CCDC7: variants seen among roughly 807,000 people sequenced by gnomAD.
The protein encoded by CCDC7 is coiled-coil domain containing 7, also known as coiled-coil domain-containing protein 7.
Under a neutral mutation model 196.9 loss-of-function variants are expected in CCDC7, and 183 were observed. The observed-to-expected ratio is 0.93, with a 90% CI of 0.82 to 1.05. The LOEUF (loss-of-function observed/expected upper bound fraction) is 1.05. Ranked by LOEUF, CCDC7 falls within the 50% of genes least tolerant of loss-of-function variation. The pLI is 0.00. For missense variants in CCDC7, 1,540 were observed against 1,482.2 expected (o/e 1.04, Z -0.64); for synonymous variants, 525 against 484.6 (o/e 1.08, Z -1.10).
At chr10:32,518,834 G>T (rs1037729347) in intron 11 of CCDC7, among the ~76,000 whole-genome samples, 2 of 152,044 alleles carry the variant, frequency 1.3e-5, no homozygotes, top group Non-Finnish European at 2.9e-5. Context: ...TATGTAATGT[G>T]TGTGTCCCAG....
At chr10:32,775,897 A>G (rs112000384) in intron 28 of CCDC7, among the ~76,000 whole-genome samples, 9,255 of 151,556 alleles carry the variant, frequency 0.061, 909 homozygotes, top group African/African-American at 0.21. Flanking sequence ...TCCAACAATG[A>G]TAGACTGGAT....
chr10:32,601,087 A>G (rs1270569399), intron 18 of CCDC7, among the ~76,000 whole-genome samples: 1 of 152,002 alleles, frequency 6.6e-6, no homozygotes, highest in African/African-American at 2.4e-5. Context: ...TATCTTATTG[A>G]GGCTCGCTTG....
At chr10:32,580,655 TAAG>T (rs1341611182) in intron 16 of CCDC7, among the ~76,000 whole-genome samples, 1 of 152,096 alleles carries the variant, frequency 6.6e-6, no homozygotes, top group Non-Finnish European at 1.5e-5. Context: ...TTGTTGCAGA[TAAG>T]AATATCAATA....
rs540401326 is a variant in CCDC7 at position 32,801,546 on chromosome 10, C to T, written c.3014-3469C>T. Among the ~76,000 whole-genome samples the T allele has an allele frequency of 1.7e-4, 26 of 152,296 alleles. No homozygotes were observed. The South Asian group carries it at 5.4e-3, about 32-fold the overall frequency. ...TAATATTCATTCTCATGCATGTGCT[C>T]CAGATTTCTGCTTAAATAAATTAGA... On this transcript the variant is annotated intron_variant, in intron 29 of 41. Transcript: ENST00000639629.
intron 33 of CCDC7, among the ~76,000 whole-genome samples, chr10:32,838,343 G>A (rs1217868923): frequency 6.6e-6 from 1 of 152,020 alleles, no homozygotes; most frequent in African/African-American, 2.4e-5. Flanking sequence ...AATGCTAAGT[G>A]CACTGGGAAG....
chr10:32,847,960 T>G (rs751217834), intron 38 of CCDC7, 44 bp downstream of exon 39: 1 of 1,251,712 alleles, frequency 8.0e-7, no homozygotes, highest in African/African-American at 1.5e-5. Context: ...GTTTATCTTC[T>G]CTGGGGTTTA....
At chr10:32,790,941 T>G (rs1184106241) in intron 29 of CCDC7, among the ~76,000 whole-genome samples, 2 of 152,196 alleles carry the variant, frequency 1.3e-5, no homozygotes, top group Non-Finnish European at 2.9e-5. Context: ...CTGCTGATGC[T>G]GCCTGCAAGT....
intron 24 of CCDC7, among the ~76,000 whole-genome samples, chr10:32,708,447 C>T (rs1346392221): frequency 1.3e-5 from 2 of 152,138 alleles, no homozygotes; most frequent in Non-Finnish European, 2.9e-5. Flanking sequence ...AAAGCAATGG[C>T]AACGAAAGCC....
In CCDC7 at chr10:32,540,270, G is replaced by A. The variant is rs1201226342; in HGVS notation, c.994-3030G>A. 2.6e-5 allele frequency among the ~76,000 whole-genome samples: 4 copies of A among 152,180 alleles called. No individual in the cohort carries two copies. In the East Asian group the frequency reaches 7.7e-4, roughly 29 times the overall value. On this transcript the variant is annotated intron_variant, in intron 11 of 41. Coordinates refer to ENST00000639629, the Ensembl canonical transcript of CCDC7. ...GCAGAATTGAACCCTTTACCAATAT[G>A]TACTGCCCATCTTTACCTTTTTTGA...
chr10:32,645,417 G>A (rs1365750100), intron 20 of CCDC7, among the ~76,000 whole-genome samples: 1 of 149,242 alleles, frequency 6.7e-6, no homozygotes, highest in East Asian at 2.0e-4. Context: ...TGTTAAATTT[G>A]GTTTGTTAGT....
chr10:32,850,428 A>G (rs1265979654), intron 39 of CCDC7, among the ~76,000 whole-genome samples: 1 of 152,202 alleles, frequency 6.6e-6, no homozygotes. Context: ...ATGTATGAGC[A>G]GTTTTGAAGT....
chr10:32,797,934 A>G (rs2134897626), intron 29 of CCDC7, among the ~76,000 whole-genome samples: 1 of 152,308 alleles, frequency 6.6e-6, no homozygotes, highest in East Asian at 1.9e-4. Flanking sequence ...CTATCAATCC[A>G]GCTGCTTCAG....
intron 28 of CCDC7, among the ~76,000 whole-genome samples, chr10:32,755,635 C>G (rs58315738): frequency 0.045 from 6,920 of 152,100 alleles, 532 homozygotes; most frequent in African/African-American, 0.16. Flanking sequence ...TAGATAAAAC[C>G]ACAAAGATGG....
At chr10:32,717,509 G>GCAAGAAATAA (rs1452245256) in intron 25 of CCDC7, among the ~76,000 whole-genome samples, 22 of 152,168 alleles carry the variant, frequency 1.4e-4, no homozygotes, top group African/African-American at 5.1e-4. Flanking sequence ...CTTGCAGAAG[G>GCAAGAAATAA]CAAGAAATAA....
intron 8 of CCDC7, among the ~76,000 whole-genome samples, chr10:32,475,731 G>C (rs2505383): frequency 0.84 from 127,083 of 152,080 alleles, 53,690 homozygotes; most frequent in Non-Finnish European, 0.9. Context: ...AGTACCTCCT[G>C]TCTTCTTCTC....
At chr10:32,445,510 T>C (rs2030735657), upstream of CCDC7, among the ~76,000 whole-genome samples, 1 of 152,210 alleles carries the variant, frequency 6.6e-6, no homozygotes, top group Non-Finnish European at 1.5e-5. Context: ...AACAGTTAAA[T>C]TGTATCAATT....
chr10:32,669,717 G>T (rs967762921), intron 21 of CCDC7, among the ~76,000 whole-genome samples: 5 of 152,146 alleles, frequency 3.3e-5, no homozygotes, highest in Admixed American at 2.0e-4. Flanking sequence ...TGTGTCATCA[G>T]TTGTGACAGT....
chr10:32,486,387 G>A (rs951806698), intron 8 of CCDC7, among the ~76,000 whole-genome samples: 2 of 151,532 alleles, frequency 1.3e-5, no homozygotes, highest in Admixed American at 6.6e-5. Flanking sequence ...GAGCCTGTGT[G>A]TGTCTCTGCA....
intron 28 of CCDC7, among the ~76,000 whole-genome samples, chr10:32,736,486 C>G (rs1192858204): frequency 3.9e-5 from 6 of 151,958 alleles, no homozygotes; most frequent in Admixed American, 6.6e-5. Context: ...GTGCGCTGCC[C>G]CCACTAACTC....
Sources: gnomAD v4.1 joint callset for allele counts (sites outside exome capture counted in the v4.1 genomes callset) on GRCh38, gnomAD v4.1.1 for gene constraint, MANE v1.5 for transcripts, NCBI Gene and HGNC (gene_info 2026-07-23, HGNC 2026-07-21) for gene names.